The following ZNF385B variants were observed in gnomAD, a reference collection of about 807,000 sequenced individuals.
ZNF385B encodes zinc finger protein 533.
A neutral mutation model predicts 39.2 loss-of-function variants in ZNF385B; 23 were observed. The observed-to-expected ratio is 0.59, with a 90% CI of 0.42 to 0.83. The LOEUF (loss-of-function observed/expected upper bound fraction) is 0.83, where lower values mean the gene tolerates loss of function less well. Among genes scored for constraint, ZNF385B ranks in the 40% least tolerant of loss-of-function variants. The probability of loss-of-function intolerance (pLI) is 0.00; values close to 1 mark genes in which losing one functional copy is unlikely to be tolerated. For synonymous variants in ZNF385B, 205 were observed against 222.6 expected (o/e 0.92, Z 0.70); for missense variants, 552 against 598.9 (o/e 0.92, Z 0.82).
At position 179,735,281 on chromosome 2, in the gene ZNF385B, T is replaced by A. The variant is rs533494439; in HGVS notation, c.298+34222A>T. 6.0e-3 allele frequency among the ~76,000 whole-genome samples: 882 copies of A among 146,500 alleles called. 1 individual carries two copies. The highest frequency in any genetic ancestry group is 0.011 in the South Asian group (48 of 4,460). On this transcript the variant is annotated intron_variant, in intron 3 of 9. Coordinates refer to ENST00000410066, the MANE Select transcript of ZNF385B (RefSeq NM_152520.6). ...ATGCAGCCAAAAAACACATGAAAAATTGCTCATCATCACTGGCCATCAGAG... is the reference window on the plus strand; with the variant it reads ...ATGCAGCCAAAAAACACATGAAAAAATGCTCATCATCACTGGCCATCAGAG...
At chr2:179,514,046 T>C (rs1248740011) in intron 5 of ZNF385B, 1 of 152,216 alleles carries the variant, frequency 6.6e-6, no homozygotes, top group African/African-American at 2.4e-5. Context: ...TCATCACAAA[T>C]TTTTATAAAC....
rs7568200 is a variant in ZNF385B, at chr2:179,520,706, A to C, written c.442-2068T>G. ...AAAAACAAGAGCATTTTATTGAGAT[A>C]GTTTCTGATCTCAGGCTCTGAAAAA... On this transcript the variant is annotated intron_variant, in intron 4 of 9. Coordinates refer to ENST00000410066, the MANE Select transcript of ZNF385B (RefSeq NM_152520.6). Among the ~76,000 whole-genome samples the C allele has an allele frequency of 5.9e-3, 901 of 152,342 alleles. 10 individuals carry two copies. Among genetic ancestry groups the C allele is most frequent in the African/African-American group, 0.02 (851 of 41,584 alleles).
intron 3 of ZNF385B, among the ~76,000 whole-genome samples, chr2:179,627,019 T>C (rs1363327038): frequency 6.6e-6 from 1 of 152,190 alleles, no homozygotes; most frequent in East Asian, 1.9e-4. Context: ...TACTTAATTG[T>C]TACTGTGTAC....
chr2:179,710,042 C>T (rs1458455847), intron 3 of ZNF385B, among the ~76,000 whole-genome samples: 1 of 152,198 alleles, frequency 6.6e-6, no homozygotes, highest in Admixed American at 6.5e-5. Flanking sequence ...ACATTTCCAC[C>T]TGCCACACAA....
Position 179,556,434 on chromosome 2 carries a change from T to G in ZNF385B, c.299-11465A>C, listed in dbSNP as rs1239895225. Among the ~76,000 whole-genome samples the G allele has an allele frequency of 2.7e-5, 4 of 149,648 alleles. 1 individual carries two copies. The highest frequency in any genetic ancestry group is 1.0e-4 in the African/African-American group (4 of 39,762). On this transcript the variant is annotated intron_variant, in intron 3 of 9. Transcript: ENST00000410066. ...GCATGATCATGCAAAAAAAGGAAAT[T>G]GAAAGAAGAAAAAACGGTATTCTAA...
At chr2:179,527,425 T>A (rs1237674774) in intron 4 of ZNF385B, among the ~76,000 whole-genome samples, 1 of 152,150 alleles carries the variant, frequency 6.6e-6, no homozygotes, top group Admixed American at 6.5e-5. Context: ...TATTTGTATA[T>A]TCCATTGACA....
chr2:179,790,959 T>C (rs993427185), intron 1 of ZNF385B, among the ~76,000 whole-genome samples: 2 of 152,204 alleles, frequency 1.3e-5, no homozygotes, highest in African/African-American at 2.4e-5. Context: ...CTTGGGAAAA[T>C]GATTTGCTCT....
chr2:179,848,510 C>T (rs950950800), intron 1 of ZNF385B, among the ~76,000 whole-genome samples: 1 of 152,168 alleles, frequency 6.6e-6, no homozygotes, highest in East Asian at 1.9e-4. Context: ...TATAAGGTGT[C>T]TATTTATTGT....
intron 3 of ZNF385B, among the ~76,000 whole-genome samples, chr2:179,751,887 A>G (rs1702698823): frequency 6.6e-6 from 1 of 151,910 alleles, no homozygotes; most frequent in African/African-American, 2.4e-5. Context: ...AATCTACTCA[A>G]GCTCATTTTA....
chr2:179,568,057 G>T (rs531459686), intron 3 of ZNF385B, among the ~76,000 whole-genome samples: 1 of 152,330 alleles, frequency 6.6e-6, no homozygotes, highest in East Asian at 1.9e-4. Flanking sequence ...ATGGCCTGCA[G>T]TCACCACATG....
chr2:179,500,871 T>C (rs183484556), intron 5 of ZNF385B, among the ~76,000 whole-genome samples: 1 of 152,130 alleles, frequency 6.6e-6, no homozygotes, highest in Admixed American at 6.5e-5. Flanking sequence ...CTAGAATACA[T>C]AAGGATCTCA....
chr2:179,541,544 T>C (rs796278646), intron 4 of ZNF385B, among the ~76,000 whole-genome samples: 14 of 152,314 alleles, frequency 9.2e-5, no homozygotes, highest in African/African-American at 3.1e-4. Context: ...AATTATAAGA[T>C]TAAAACTGAC....
chr2:179,777,741 T>C (rs1559185990), intron 1 of ZNF385B, among the ~76,000 whole-genome samples: 1 of 151,534 alleles, frequency 6.6e-6, no homozygotes, highest in Non-Finnish European at 1.5e-5. Context: ...TAACTCATAA[T>C]ACAAGTTTTA....
intron 3 of ZNF385B, among the ~76,000 whole-genome samples, chr2:179,757,205 T>G (rs887734621): frequency 6.6e-6 from 1 of 152,254 alleles, no homozygotes; most frequent in Non-Finnish European, 1.5e-5. Context: ...GCTGCAGGTC[T>G]GTTGGAGTTT....
Position 179,555,378 on chromosome 2 carries a change from T to C in ZNF385B, c.299-10409A>G, listed in dbSNP as rs976575328. Among the ~76,000 whole-genome samples, 9 of 149,418 alleles carry C rather than the reference T, an allele frequency of 6.0e-5. 1 individual carries two copies. The highest frequency in any genetic ancestry group is 5.3e-4 in the Admixed American group (8 of 15,062). ...AAAACAGGGCATTCAGAGTGTCTTC[T>C]AGGATGCCAGAAATGTTCTTTCCTT... On this transcript the variant is annotated intron_variant, in intron 3 of 9. Coordinates refer to ENST00000410066, the MANE Select transcript of ZNF385B (RefSeq NM_152520.6).
intron 3 of ZNF385B, among the ~76,000 whole-genome samples, chr2:179,565,750 C>T (rs900399536): frequency 6.6e-6 from 1 of 152,232 alleles, no homozygotes; most frequent in African/African-American, 2.4e-5. Flanking sequence ...TCTCGATTTT[C>T]AAGTGACATT....
At chr2:179,606,581 A>G (rs1221404965) in intron 3 of ZNF385B, among the ~76,000 whole-genome samples, 2 of 152,152 alleles carry the variant, frequency 1.3e-5, no homozygotes, top group South Asian at 2.1e-4. Flanking sequence ...TTTACTATCT[A>G]TGAACATGCA....
chr2:179,535,318 T>C (rs2059493123), intron 4 of ZNF385B, among the ~76,000 whole-genome samples: 1 of 152,228 alleles, frequency 6.6e-6, no homozygotes. Flanking sequence ...ATTTTCAACT[T>C]GACTTTAGAA....
intron 3 of ZNF385B, among the ~76,000 whole-genome samples, chr2:179,679,821 AACTG>A (rs1559081421): frequency 6.6e-6 from 1 of 152,146 alleles, no homozygotes; most frequent in African/African-American, 2.4e-5. Context: ...AACAGTTTTA[AACTG>A]ACTGTTTATG....
Sources: gnomAD v4.1 joint callset for allele counts (sites outside exome capture counted in the v4.1 genomes callset) on GRCh38, gnomAD v4.1.1 for gene constraint, MANE v1.5 for transcripts, NCBI Gene and HGNC (gene_info 2026-07-23, HGNC 2026-07-21) for gene names.